PFDN5: variants seen among roughly 807,000 people sequenced by gnomAD.
PFDN5 encodes the protein c-myc binding protein.
PFDN5 carries 13 observed loss-of-function variants against 21.5 expected under a neutral mutation model. The ratio of observed to expected loss-of-function variants is 0.60; its 90% CI spans 0.39 to 0.96. The LOEUF (loss-of-function observed/expected upper bound fraction) is 0.96. Among genes scored for constraint, PFDN5 ranks in the 40% least tolerant of loss-of-function variants. The pLI is 0.00. For synonymous variants in PFDN5, 84 were observed against 68.9 expected, an observed-to-expected ratio of 1.22 and a Z score of -1.08; for missense variants, 188 against 186.2, an observed-to-expected ratio of 1.01 and a Z score of -0.06.
intron 3 of PFDN5, chr12:53,297,642 C>T (rs1944168293): frequency 1.8e-6 from 1 of 556,732 alleles, no homozygotes. Context: ...GGTGTTCCAG[C>T]ATACATCATT....
intron 3 of PFDN5, chr12:53,296,845 A>C (rs1222797430): frequency 1.2e-5 from 2 of 171,636 alleles, no homozygotes; most frequent in African/African-American, 4.8e-5. Context: ...GAGAACATTA[A>C]TATGGAGATA....
chr12:53,296,312 T>G, intron 3 of PFDN5, 37 bp downstream of exon 3: 1 of 1,552,270 alleles, frequency 6.4e-7, no homozygotes, highest in Non-Finnish European at 8.8e-7. Context: ...TGCTGCCTTC[T>G]CCCTTTCTCC....
intron 3 of PFDN5, chr12:53,297,492 A>G: frequency 4.6e-6 from 1 of 215,386 alleles, no homozygotes; most frequent in African/African-American, 2.3e-5. Flanking sequence ...GATTGAGGGC[A>G]TTAAGGGAAA....
At chr12:53,296,442 T>C (rs1031548847) in intron 3 of PFDN5, 167 bp downstream of exon 3, 6 of 701,856 alleles carry the variant, frequency 8.5e-6, no homozygotes, top group East Asian at 2.7e-5. Context: ...GGAATTTCGC[T>C]CTGTCGCCCA....
In PFDN5 at chr12:53,296,285, CCA is replaced by C. The variant is rs1328628609; in HGVS notation, c.207+13_207+14del. ...CCCACTGACGAGTTCTGTATCCTTT[CCA>C]CAGGAACGGCTACCTGCTGCCTTCT... On this transcript the variant is annotated intron_variant, in intron 3 of 5. Transcript: ENST00000334478. 1.2e-6 allele frequency: 2 copies of C among 1,602,488 alleles called. No homozygotes were observed. The highest frequency in any genetic ancestry group is 1.1e-5 in the South Asian group (1 of 89,600).
At chr12:53,299,182 G>T in intron 5 of PFDN5, 87 bp from the exon 6 acceptor site, 1 of 790,024 alleles carries the variant, frequency 1.3e-6, no homozygotes, top group Non-Finnish European at 2.2e-6. Flanking sequence ...TTAGTCGGTC[G>T]CCTGTCCTTA....
rs905029154 is a variant in PFDN5 at position 53,299,264 on chromosome 12, C to G, written c.389-5C>G. The G allele has an allele frequency of 1.9e-6, 3 of 1,606,236 alleles. No individual in the cohort carries two copies. The highest frequency in any genetic ancestry group is 2.7e-5 in the African/African-American group (2 of 74,630). On this transcript the variant is annotated splice_region_variant and splice_polypyrimidine_tract_variant and intron_variant, in intron 5 of 5. Coordinates refer to ENST00000334478, the MANE Select transcript of PFDN5 (RefSeq NM_002624.4). ...CTAACCTTTGACTCTTATTTTTTTC[C>G]ACAGCCGTCATGGAAATGATGAGTC...
intron 5 of PFDN5, chr12:53,298,987 T>C (rs987111264): frequency 3.7e-6 from 1 of 273,364 alleles, no homozygotes; most frequent in African/African-American, 2.3e-5. Flanking sequence ...AATACAAAGT[T>C]AGCCCGGGCA....
At chr12:53,298,952 A>G (rs1342568079) in intron 5 of PFDN5, 1 of 243,542 alleles carries the variant, frequency 4.1e-6, no homozygotes, top group East Asian at 1.3e-4. Flanking sequence ...CCTGGCCACC[A>G]TGGTGAAACC....
In PFDN5 at chr12:53,295,581, T is replaced by C; in HGVS notation, c.14T>C (p.Ile5Thr). MAQS[I>T]NITELNLPQL... Reference sequence around the variant, plus strand: ...GGCCTTCCCAACATGGCGCAGTCTATTAACATCACGGAGCTGAATCTGCCG... The same window carrying C: ...GGCCTTCCCAACATGGCGCAGTCTACTAACATCACGGAGCTGAATCTGCCG... The change falls in exon 1 of 6, where the codon ATT becomes ACT. Residue 5 changes from isoleucine (I) to threonine (T), a missense_variant. Transcript: ENST00000334478. 1 of 1,613,732 alleles carries C rather than the reference T, an allele frequency of 6.2e-7. No individual in the cohort carries two copies. Among genetic ancestry groups the C allele is most frequent in the Non-Finnish European group, 8.5e-7 (1 of 1,179,802 alleles).
Position 53,296,026 on chromosome 12 carries a change from A to G in PFDN5, c.175+85A>G, listed in dbSNP as rs1451635863. The G allele has an allele frequency of 7.9e-6, 7 of 883,650 alleles. No individual in the cohort carries two copies. In the African/African-American group the frequency reaches 1.2e-4, roughly 15 times the overall value. The allele number at this position is 883,650 out of a possible 1,614,324, so 54.7% of individuals were successfully genotyped here. ...TCCTAACCCAGTTTTTCTTACCTGA[A>G]ACGAGAAAATCCATTACATATCGTA... On this transcript the variant is annotated intron_variant, in intron 2 of 5. Transcript: ENST00000334478.
At chr12:53,298,251 T>A (rs778219659) in intron 5 of PFDN5, 101 bp downstream of exon 5, 86 of 749,066 alleles carry the variant, frequency 1.1e-4, no homozygotes, top group Non-Finnish European at 1.9e-4. Context: ...AGTAAAACTA[T>A]GTCTTAGTTT....
intron 4 of PFDN5, 33 bp from the exon 5 acceptor site, chr12:53,298,012 C>T (rs1565770946): frequency 1.3e-6 from 2 of 1,568,830 alleles, no homozygotes; most frequent in Non-Finnish European, 1.8e-6. Flanking sequence ...AGGGAGTCTC[C>T]TTTTAGCCCC....
chr12:53,296,246 A>C lies in PFDN5; in HGVS notation c.178A>C (p.Lys60Gln). Residue 60 changes from lysine to glutamine, a missense_variant and splice_region_variant, in exon 3 of 6, where the codon AAA (lysine) becomes CAA (glutamine). Coordinates refer to ENST00000334478, the MANE Select transcript of PFDN5 (RefSeq NM_002624.4). The stretch of plus-strand genomic sequence containing the variant: ...GTTTGTCTTCATTGCTTTCACAGGG[A>C]AAGAATTACTCGTCCCACTGACGAG... ...LNVLNKSNEG[K>Q]ELLVPLTSSM... 6.2e-7 allele frequency: 1 copy of C among 1,609,764 alleles called. No homozygotes were observed. Among genetic ancestry groups the C allele is most frequent in the African/African-American group, 1.3e-5 (1 of 74,912 alleles).
rs573971056 is a variant in PFDN5, at chr12:53,299,059, C to G, written c.389-210C>G. On this transcript the variant is annotated intron_variant, in intron 5 of 5. Coordinates refer to ENST00000334478, the MANE Select transcript of PFDN5 (RefSeq NM_002624.4). Reference sequence around the variant, plus strand: ...GATGAGGCAGGAGAATCGCTTGAACCCGGGAGACGGAGGTTGCTGTGAGCC... The same window carrying G: ...GATGAGGCAGGAGAATCGCTTGAACGCGGGAGACGGAGGTTGCTGTGAGCC... 1.0e-5 allele frequency: 4 copies of G among 387,768 alleles called. No individual in the cohort carries two copies. In the East Asian group the frequency reaches 2.4e-4, roughly 23 times the overall value. The allele number at this position is 387,768 out of a possible 1,614,324, so 24.0% of individuals were successfully genotyped here.
rs138970811 is a variant in PFDN5 at position 53,299,312 on chromosome 12, C to T, written c.432C>T (p.Ala144=). ...MMSQKIQQLT[A]LGAAQATAKA ...GTCAGAAGATTCAGCAGCTCACAGC[C>T]CTGGGGGCAGCTCAGGCTACTGCTA... The change falls in exon 6 of 6, where the codon GCC becomes GCT. Residue 144 remains alanine, a synonymous_variant. Coordinates refer to ENST00000334478, the MANE Select transcript of PFDN5 (RefSeq NM_002624.4). 6.8e-6 allele frequency: 11 copies of T among 1,612,558 alleles called. No homozygotes were observed. The African/African-American group carries it at 1.5e-4, about 22-fold the overall frequency.
chr12:53,298,224 G>C (rs1018070229), intron 5 of PFDN5, 74 bp downstream of exon 5: 18 of 908,872 alleles, frequency 2.0e-5, no homozygotes, highest in Non-Finnish European at 3.0e-5. Context: ...GAACCACGGG[G>C]GTGTCCCCTT....
chr12:53,296,323 T>C (rs754180314), intron 3 of PFDN5, 48 bp downstream of exon 3: 164 of 1,484,426 alleles, frequency 1.1e-4, no homozygotes, highest in Non-Finnish European at 1.5e-4. Context: ...CCCTTTCTCC[T>C]TCACTCCCCC....
Position 53,299,330 on chromosome 12 carries a change from T to C in PFDN5, c.450T>C (p.Ala150=). The part of the protein sequence containing the change: ...QQLTALGAAQ[A]TAKA ...TCACAGCCCTGGGGGCAGCTCAGGCTACTGCTAAGGCCTGAGAGTTTTTGC... is the reference window on the plus strand; with the variant it reads ...TCACAGCCCTGGGGGCAGCTCAGGCCACTGCTAAGGCCTGAGAGTTTTTGC... Residue 150 remains alanine (A), a synonymous_variant, in exon 6 of 6, where the codon GCT becomes GCC. Coordinates refer to ENST00000334478, the MANE Select transcript of PFDN5 (RefSeq NM_002624.4). 3 of 1,609,450 alleles carry C rather than the reference T, an allele frequency of 1.9e-6. No homozygotes were observed. The highest frequency in any genetic ancestry group is 1.7e-5 in the Admixed American group (1 of 60,006).
Sources: allele counts gnomAD v4.1 joint callset, GRCh38; gene constraint gnomAD v4.1.1; transcripts MANE v1.5; gene names NCBI Gene and HGNC (gene_info 2026-07-23, HGNC 2026-07-21).